Variants in SGK1 observed in about 807,000 individuals in gnomAD.
SGK1 encodes serum/glucocorticoid regulated kinase 1.
In SGK1, 26 loss-of-function variants were observed where a neutral mutation model predicts 64.2. That is an observed-to-expected ratio of 0.40 (90% CI 0.30 to 0.56). SGK1 has a LOEUF of 0.56. Among genes scored for constraint, SGK1 ranks in the 20% least tolerant of loss-of-function variants. SGK1 has a pLI of 0.38. For missense variants in SGK1, 519 were observed against 645.6 expected (o/e 0.80, Z 2.12); for synonymous variants, 265 against 239.7 (o/e 1.11, Z -0.98).
At chr6:134,211,038 T>C (rs537862021) in intron 2 of SGK1, among the ~76,000 whole-genome samples, 16 of 149,042 alleles carry the variant, frequency 1.1e-4, no homozygotes, top group African/African-American at 3.7e-4. Flanking sequence ...GGCAGGAGAA[T>C]CGCTTGAACC....
At chr6:134,173,678 A>G in intron 5 of SGK1, 112 bp from the exon 6 acceptor site, 2 of 714,438 alleles carry the variant, frequency 2.8e-6, no homozygotes, top group South Asian at 3.9e-5. Context: ...GCAAATGACC[A>G]TACATCTATA....
At chr6:134,174,898 G>A in intron 3 of SGK1, 2 of 1,581,506 alleles carry the variant, frequency 1.3e-6, no homozygotes, top group South Asian at 1.1e-5. Flanking sequence ...TATAAAAAAG[G>A]CACCGCCGCG....
At chr6:134,213,883 G>T (rs1775934437) in intron 2 of SGK1, among the ~76,000 whole-genome samples, 1 of 151,972 alleles carries the variant, frequency 6.6e-6, no homozygotes, top group South Asian at 2.1e-4. Flanking sequence ...ATAACAGTAT[G>T]CAATTTTAAA....
intron 2 of SGK1, among the ~76,000 whole-genome samples, chr6:134,208,025 C>T (rs765982868): frequency 2.6e-5 from 4 of 152,186 alleles, no homozygotes; most frequent in Admixed American, 6.6e-5. Flanking sequence ...GATTCTCCTG[C>T]CTCAGCCTCC....
rs754004596 is a variant in SGK1 at position 134,170,412 on chromosome 6, G to C, written c.1437C>G (p.His479Gln). ...GCTCTTCGGTAAACTCGGGGTCAAA[G>C]TGCCGTAGGTCGTTGGGCCCACTCT... Reference protein sequence around the residue: ...PNVSGPNDLRHFDPEFTEEPV... With the variant: ...PNVSGPNDLRQFDPEFTEEPV... The change falls in exon 14 of 14, where the codon CAC (histidine) becomes CAG (glutamine). Residue 479 changes from histidine to glutamine, a missense_variant. His to Gln is a conservative substitution (Grantham distance 24). Coordinates refer to ENST00000367858, the MANE Select transcript of SGK1 (RefSeq NM_001143676.3). 1.9e-6 allele frequency: 3 copies of C among 1,613,432 alleles called. No individual in the cohort carries two copies.
intron 2 of SGK1, chr6:134,260,435 G>A (rs1776750210): frequency 7.1e-6 from 1 of 140,124 alleles, no homozygotes; most frequent in South Asian, 2.2e-4. Flanking sequence ...AATTTGGAAA[G>A]CCGACGCAGG....
At chr6:134,287,260 C>T (rs1777199374) in intron 1 of SGK1, among the ~76,000 whole-genome samples, 1 of 152,164 alleles carries the variant, frequency 6.6e-6, no homozygotes, top group Non-Finnish European at 1.5e-5. Context: ...GCATGAGCCA[C>T]CACTCCCAGC....
chr6:134,298,123 A>T, intron 1 of SGK1: 1 of 1,340,612 alleles, frequency 7.5e-7, no homozygotes, highest in Non-Finnish European at 1.1e-6. Context: ...CTTCATCCAC[A>T]TCCTTCTTGA....
chr6:134,199,725 T>A (rs989002243), intron 3 of SGK1, among the ~76,000 whole-genome samples: 1 of 151,996 alleles, frequency 6.6e-6, no homozygotes, highest in African/African-American at 2.4e-5. Flanking sequence ...AAATTAAATT[T>A]TCTCCTCTGG....
At chr6:134,172,058 G>C in intron 10 of SGK1, 135 bp downstream of exon 10, 1 of 983,720 alleles carries the variant, frequency 1.0e-6, no homozygotes, top group African/African-American at 1.6e-5. Flanking sequence ...AACAGCAAAT[G>C]TATTTTATTT....
At chr6:134,288,605 T>C (rs1777219080) in intron 1 of SGK1, among the ~76,000 whole-genome samples, 1 of 152,170 alleles carries the variant, frequency 6.6e-6, no homozygotes, top group Non-Finnish European at 1.5e-5. Context: ...AAGGTAGTCA[T>C]GAGGGAGCCT....
intron 3 of SGK1, chr6:134,175,698 G>T (rs995604112): frequency 6.9e-7 from 1 of 1,442,484 alleles, no homozygotes; most frequent in South Asian, 1.4e-5. Flanking sequence ...AGACGAGAGC[G>T]ACCGGCGAGC....
At chr6:134,227,220 C>T (rs566217082) in intron 2 of SGK1, among the ~76,000 whole-genome samples, 20 of 152,206 alleles carry the variant, frequency 1.3e-4, no homozygotes, top group South Asian at 4.2e-4. Context: ...CTGCAACCTC[C>T]GCCTCCCAGA....
At chr6:134,289,819 G>A (rs1777237766) in intron 1 of SGK1, among the ~76,000 whole-genome samples, 1 of 151,460 alleles carries the variant, frequency 6.6e-6, no homozygotes, top group Non-Finnish European at 1.5e-5. Flanking sequence ...CAGCCTGGGC[G>A]ACACAGTGAG....
At chr6:134,235,649 G>A (rs1396377128) in intron 2 of SGK1, among the ~76,000 whole-genome samples, 1 of 151,670 alleles carries the variant, frequency 6.6e-6, no homozygotes. Flanking sequence ...TCGGCTCACT[G>A]CAACCTCCAC....
chr6:134,248,557 T>C (rs775810260), intron 2 of SGK1, among the ~76,000 whole-genome samples: 2 of 151,206 alleles, frequency 1.3e-5, no homozygotes, highest in Non-Finnish European at 1.5e-5. Flanking sequence ...GTTCAAGTGG[T>C]TCTCCTGCCT....
chr6:134,234,254 T>A (rs1343933095), intron 2 of SGK1, among the ~76,000 whole-genome samples: 1 of 151,668 alleles, frequency 6.6e-6, no homozygotes, highest in East Asian at 2.0e-4. Context: ...ATACAAAAAA[T>A]TAGCCTGGTG....
chr6:134,283,873 CAAAAAAAAAA>C (rs35999916), intron 1 of SGK1, among the ~76,000 whole-genome samples: 3 of 26,128 alleles, frequency 1.1e-4, no homozygotes, highest in Non-Finnish European at 2.2e-4. Flanking sequence ...CTGCCACCAC[CAAAAAAAAAA>C]AAAAAAAAAA....
At chr6:134,257,852 C>T (rs1047591405) in intron 2 of SGK1, among the ~76,000 whole-genome samples, 2 of 152,148 alleles carry the variant, frequency 1.3e-5, no homozygotes, top group African/African-American at 2.4e-5. Context: ...AGAAACCTGA[C>T]GGTGAGTACA....
Sources: allele counts gnomAD v4.1 joint callset (sites outside exome capture counted in the v4.1 genomes callset), GRCh38; gene constraint gnomAD v4.1.1; transcripts MANE v1.5; gene names NCBI Gene and HGNC (gene_info 2026-07-23, HGNC 2026-07-21).